CDH12: variants seen among roughly 807,000 people sequenced by gnomAD.
CDH12 encodes cadherin 12, also known as cadherin-12.
A neutral mutation model predicts 74.1 loss-of-function variants in CDH12; 41 were observed. The ratio of observed to expected loss-of-function variants is 0.55; its 90% CI spans 0.43 to 0.72. CDH12 has a LOEUF of 0.72. Ranked by LOEUF, CDH12 falls within the 30% of genes least tolerant of loss-of-function variation. CDH12 has a pLI of 0.00. For synonymous variants in CDH12, 399 were observed against 355.0 expected, an observed-to-expected ratio of 1.12 and a Z score of -1.39; for missense variants, 945 against 977.2, an observed-to-expected ratio of 0.97 and a Z score of 0.44.
At chr5:22,628,979 T>A (rs1028850487) in intron 1 of CDH12, among the ~76,000 whole-genome samples, 2 of 151,174 alleles carry the variant, frequency 1.3e-5, no homozygotes, top group Non-Finnish European at 3.0e-5. Context: ...AAAAACTCTA[T>A]GCACATAAAC....
chr5:22,339,303 T>A (rs1047046341), intron 3 of CDH12, among the ~76,000 whole-genome samples: 1 of 152,146 alleles, frequency 6.6e-6, no homozygotes, highest in African/African-American at 2.4e-5. Context: ...GGTTGGACAG[T>A]TTTTTAGTGT....
chr5:22,154,323 G>A (rs1383992875), intron 4 of CDH12, among the ~76,000 whole-genome samples: 1 of 150,928 alleles, frequency 6.6e-6, no homozygotes, highest in Non-Finnish European at 1.5e-5. Flanking sequence ...CTCTACATTA[G>A]GTCTCCAGAA....
chr5:22,842,138 C>T (rs1441027166), intron 1 of CDH12, among the ~76,000 whole-genome samples: 1 of 152,074 alleles, frequency 6.6e-6, no homozygotes, highest in East Asian at 1.9e-4. Context: ...ACTAGTACTG[C>T]CACGGAACCC....
chr5:21,759,503 C>T (rs193287528), intron 13 of CDH12, among the ~76,000 whole-genome samples: 246 of 151,696 alleles, frequency 1.6e-3, no homozygotes, highest in Admixed American at 5.4e-3. Context: ...ATGTTTTAGG[C>T]ATTTTGTTAA....
intron 6 of CDH12, among the ~76,000 whole-genome samples, chr5:21,963,845 T>G (rs1018340520): frequency 6.6e-6 from 1 of 152,116 alleles, no homozygotes; most frequent in Admixed American, 6.6e-5. Context: ...TCATTACTTT[T>G]CACGTCCACT....
chr5:22,477,937 A>G (rs1005471203), intron 2 of CDH12, among the ~76,000 whole-genome samples: 1 of 152,104 alleles, frequency 6.6e-6, no homozygotes, highest in Non-Finnish European at 1.5e-5. Flanking sequence ...TAACCTTTCC[A>G]TTATCAGTTG....
intron 5 of CDH12, among the ~76,000 whole-genome samples, chr5:22,042,506 T>C (rs1047887957): frequency 9.2e-5 from 14 of 152,144 alleles, no homozygotes; most frequent in South Asian, 4.1e-4. Context: ...ACGAGACTAC[T>C]ATGAACAACT....
intron 3 of CDH12, among the ~76,000 whole-genome samples, chr5:22,336,141 C>T (rs1739571395): frequency 6.6e-6 from 1 of 152,162 alleles, no homozygotes; most frequent in African/African-American, 2.4e-5. Context: ...ATTTGTGAAA[C>T]TTTGAACTTG....
At chr5:22,057,935 TGA>T (rs1344086095) in intron 5 of CDH12, among the ~76,000 whole-genome samples, 1 of 152,168 alleles carries the variant, frequency 6.6e-6, no homozygotes, top group Non-Finnish European at 1.5e-5. Flanking sequence ...GAAAAATTAC[TGA>T]GAGAGTTGTT....
chr5:22,120,780 A>G (rs1745463755), intron 4 of CDH12, among the ~76,000 whole-genome samples: 1 of 152,164 alleles, frequency 6.6e-6, no homozygotes, highest in African/African-American at 2.4e-5. Flanking sequence ...AATAATCTGG[A>G]ATCCAGATGG....
At chr5:22,428,903 T>C (rs1277563423) in intron 2 of CDH12, among the ~76,000 whole-genome samples, 1 of 152,134 alleles carries the variant, frequency 6.6e-6, no homozygotes, top group Non-Finnish European at 1.5e-5. Context: ...ATCAAAGTCA[T>C]ATGATCCTCA....
chr5:22,705,175 C>T (rs183048688), intron 1 of CDH12, among the ~76,000 whole-genome samples: 9 of 104,960 alleles, frequency 8.6e-5, no homozygotes, highest in Non-Finnish European at 1.2e-4. Flanking sequence ...TGTAGAGATA[C>T]GTGTGTGTGT....
chr5:22,578,983 G>T (rs1343099516), intron 1 of CDH12, among the ~76,000 whole-genome samples: 1 of 152,058 alleles, frequency 6.6e-6, no homozygotes, highest in Non-Finnish European at 1.5e-5. Context: ...ATTTATCTCA[G>T]CATGCATTCT....
intron 1 of CDH12, among the ~76,000 whole-genome samples, chr5:22,545,448 G>A (rs16896719): frequency 0.15 from 22,672 of 152,178 alleles, 2,308 homozygotes; most frequent in East Asian, 0.36. Flanking sequence ...GCAAGGTATA[G>A]ACAGATACAA....
chr5:22,058,768 AAGGGAGGG>A (rs201497539), intron 5 of CDH12, among the ~76,000 whole-genome samples: 1 of 140,446 alleles, frequency 7.1e-6, no homozygotes, highest in Non-Finnish European at 1.6e-5. Context: ...GGAAGGAAGG[AAGGGAGGG>A]AGGGAGGGAG....
At chr5:21,914,998 C>T (rs1420710215) in intron 6 of CDH12, among the ~76,000 whole-genome samples, 1 of 152,096 alleles carries the variant, frequency 6.6e-6, no homozygotes, top group African/African-American at 2.4e-5. Context: ...CAGATTGTGC[C>T]TTGCTGGGCT....
At chr5:22,250,190 A>AAT (rs35658227) in intron 3 of CDH12, among the ~76,000 whole-genome samples, 53,314 of 150,178 alleles carry the variant, frequency 0.36, 9,604 homozygotes, top group East Asian at 0.48. Context: ...AAAAGAAAAG[A>AAT]ATATATATAT....
intron 1 of CDH12, among the ~76,000 whole-genome samples, chr5:22,539,868 A>G (rs1738021821): frequency 6.6e-6 from 1 of 152,208 alleles, no homozygotes; most frequent in Non-Finnish European, 1.5e-5. Context: ...CTTGGTTTCA[A>G]ATGATTTTAT....
chr5:21,821,356 A>G (rs376116067), intron 8 of CDH12, among the ~76,000 whole-genome samples: 1 of 151,986 alleles, frequency 6.6e-6, no homozygotes, highest in Non-Finnish European at 1.5e-5. Context: ...TCTTTACTTA[A>G]AAATAAAGAT....
Sources: gnomAD v4.1 joint callset for allele counts (sites outside exome capture counted in the v4.1 genomes callset) on GRCh38, gnomAD v4.1.1 for gene constraint, MANE v1.5 for transcripts, NCBI Gene and HGNC (gene_info 2026-07-23, HGNC 2026-07-21) for gene names.